Variants in MCPH1 observed in about 807,000 individuals in gnomAD.
MCPH1 encodes microcephalin 1.
Under a neutral mutation model 84.5 loss-of-function variants are expected in MCPH1, and 104 were observed. The observed-to-expected ratio is 1.23, with a 90% confidence interval of 1.05 to 1.45. The LOEUF is 1.45. MCPH1 is among the 40% of genes most tolerant of loss of function. The probability of loss-of-function intolerance (pLI) is 0.00; values close to 1 mark genes in which losing one functional copy is unlikely to be tolerated. For synonymous variants in MCPH1, 514 were observed against 366.8 expected, an observed-to-expected ratio of 1.40 and a Z score of -4.58; for missense variants, 1,498 against 1,005.7, an observed-to-expected ratio of 1.49 and a Z score of -6.62.
At position 6,508,753 on chromosome 8, in the gene MCPH1, C is replaced by A; in HGVS notation, c.2214+8824C>A. On this transcript the variant is annotated intron_variant, in intron 12 of 13. Transcript: ENST00000344683. ...CAAGTCTAGCTCCATATCATATTCT[C>A]ACTTAAAACTTAGTCTAAAAAAAGT... 5.9e-6 allele frequency: 5 copies of A among 845,312 alleles called. No homozygotes were observed. In the South Asian group the frequency reaches 6.4e-5, roughly 11 times the overall value. 52.4% of individuals were successfully genotyped at this position (845,312 alleles called of 1,614,324 possible). A position where few individuals can be genotyped will look rare whatever the true frequency, so the allele number is the denominator to read the frequency against.
intron 10 of MCPH1, among the ~76,000 whole-genome samples, chr8:6,480,277 A>G (rs976033346): frequency 1.3e-5 from 2 of 152,068 alleles, no homozygotes; most frequent in Non-Finnish European, 2.9e-5. Flanking sequence ...GGCGCGTGCC[A>G]CCACGCCTGG....
intron 12 of MCPH1, among the ~76,000 whole-genome samples, chr8:6,521,815 T>A (rs868302609): frequency 1.3e-5 from 2 of 152,216 alleles, no homozygotes; most frequent in Non-Finnish European, 1.5e-5. Context: ...TTGGGTAGGA[T>A]ATTAGCTTTC....
intron 13 of MCPH1, chr8:6,634,892 C>G (rs890048639): frequency 6.6e-6 from 1 of 152,208 alleles, no homozygotes; most frequent in Non-Finnish European, 1.5e-5. Flanking sequence ...TCTTGAATTG[C>G]ACGCTCGCAG....
chr8:6,522,845 G>T (rs1256684126), intron 12 of MCPH1, among the ~76,000 whole-genome samples: 1 of 152,024 alleles, frequency 6.6e-6, no homozygotes, highest in African/African-American at 2.4e-5. Context: ...ACAGCAGGTG[G>T]CAGGGGCAGA....
intron 11 of MCPH1, among the ~76,000 whole-genome samples, chr8:6,489,707 G>C (rs2129560898): frequency 6.6e-6 from 1 of 152,332 alleles, no homozygotes; most frequent in South Asian, 2.1e-4. Flanking sequence ...GGGGCACTGT[G>C]AAGTGTGACT....
chr8:6,474,344 C>G (rs1808156031), intron 9 of MCPH1: 9 of 423,698 alleles, frequency 2.1e-5, no homozygotes. Context: ...TGACACGTTT[C>G]TATCACCAAG....
At chr8:6,494,387 G>A (rs1811004849) in intron 11 of MCPH1, 1 of 152,168 alleles carries the variant, frequency 6.6e-6, no homozygotes, top group African/African-American at 2.4e-5. Flanking sequence ...GATGGCCTGT[G>A]TGTTTTGAAA....
At chr8:6,436,457 T>A (rs978944486) in intron 5 of MCPH1, among the ~76,000 whole-genome samples, 1 of 152,220 alleles carries the variant, frequency 6.6e-6, no homozygotes, top group African/African-American at 2.4e-5. Context: ...TAAGCATTAT[T>A]GAAATAAATA....
intron 12 of MCPH1, among the ~76,000 whole-genome samples, chr8:6,587,750 C>T (rs1828111050): frequency 6.6e-6 from 1 of 152,138 alleles, no homozygotes; most frequent in African/African-American, 2.4e-5. Flanking sequence ...GATAAGAAAG[C>T]AAGAAAGTCC....
rs370842740 is a variant in MCPH1 at position 6,621,643 on chromosome 8, G to T, written c.2404G>T (p.Gly802Ter). ...CAGCATCGTCATCGGGCCCTACAGC[G>T]GAAAGAAGAAAGCCACAGTCAAGTA... ...QASIVIGPYSGKKKATVKYLS... is the reference protein window; with the variant it reads ...QASIVIGPYS The change falls in exon 13 of 14, where the codon GGA (glycine) becomes TGA (stop). Residue 802 changes from glycine (G) to a stop codon, truncating the protein, a stop_gained. Coordinates refer to ENST00000344683, the MANE Select transcript of MCPH1 (RefSeq NM_024596.5). LOFTEE classifies it high-confidence loss of function. The T allele has an allele frequency of 6.2e-7, 1 of 1,614,094 alleles. No individual in the cohort carries two copies. Among genetic ancestry groups the T allele is most frequent in the Non-Finnish European group, 8.5e-7 (1 of 1,180,056 alleles).
At chr8:6,411,071 C>T (rs989528120) in intron 2 of MCPH1, among the ~76,000 whole-genome samples, 12 of 152,032 alleles carry the variant, frequency 7.9e-5, no homozygotes, top group South Asian at 4.1e-4. Flanking sequence ...GCCTGGGCGA[C>T]GGAGTAAGAT....
chr8:6,575,005 GT>G (rs1413532849), intron 12 of MCPH1, among the ~76,000 whole-genome samples: 1 of 152,236 alleles, frequency 6.6e-6, no homozygotes, highest in African/African-American at 2.4e-5. Flanking sequence ...TGGTTCTGCA[GT>G]TTCTGGCCTG....
intron 9 of MCPH1, among the ~76,000 whole-genome samples, chr8:6,471,402 G>T (rs1585965880): frequency 6.6e-6 from 1 of 152,262 alleles, no homozygotes; most frequent in African/African-American, 2.4e-5. Flanking sequence ...TGAAAAAAAT[G>T]ATACTCAATT....
intron 12 of MCPH1, chr8:6,563,412 C>G (rs1404548608): frequency 6.5e-6 from 1 of 154,854 alleles, no homozygotes; most frequent in Non-Finnish European, 1.4e-5. Context: ...CCAACCAGGA[C>G]CCATGCTGCA....
chr8:6,561,283 A>G (rs1166588047), intron 12 of MCPH1, among the ~76,000 whole-genome samples: 1 of 152,240 alleles, frequency 6.6e-6, no homozygotes, highest in Non-Finnish European at 1.5e-5. Flanking sequence ...ATGTCACATG[A>G]AATCTACATT....
chr8:6,414,594 C>G (rs1394057387), intron 2 of MCPH1, among the ~76,000 whole-genome samples, 171 bp from the exon 3 acceptor site: 1 of 152,154 alleles, frequency 6.6e-6, no homozygotes, highest in Admixed American at 6.5e-5. Flanking sequence ...GTGTATGATT[C>G]ACCGTTGTAA....
At chr8:6,633,392 TA>T (rs1436791215) in intron 13 of MCPH1, among the ~76,000 whole-genome samples, 4 of 152,146 alleles carry the variant, frequency 2.6e-5, no homozygotes, top group Non-Finnish European at 5.9e-5. Flanking sequence ...GATAAACAAT[TA>T]TAAAATGTAA....
chr8:6,416,862 C>T (rs1054347286), intron 3 of MCPH1, among the ~76,000 whole-genome samples: 3 of 152,046 alleles, frequency 2.0e-5, no homozygotes, highest in Non-Finnish European at 2.9e-5. Flanking sequence ...GTCATGTTGG[C>T]GTGTGCCTAT....
At chr8:6,496,182 G>T (rs945861885) in intron 11 of MCPH1, among the ~76,000 whole-genome samples, 12 of 152,180 alleles carry the variant, frequency 7.9e-5, no homozygotes, top group Admixed American at 4.6e-4. Context: ...CCATCGGGGG[G>T]TGACGAGAGA....
Sources: gnomAD v4.1 joint callset for allele counts (sites outside exome capture counted in the v4.1 genomes callset) on GRCh38, gnomAD v4.1.1 for gene constraint, MANE v1.5 for transcripts, NCBI Gene and HGNC (gene_info 2026-07-23, HGNC 2026-07-21) for gene names.